Variants in PTPRM observed in about 807,000 individuals in gnomAD.
PTPRM encodes the protein protein tyrosine phosphatase receptor type M.
In PTPRM, 47 loss-of-function variants were observed where a neutral mutation model predicts 186.7. The observed-to-expected ratio is 0.25, with a 90% CI of 0.20 to 0.32. PTPRM has a LOEUF of 0.32. Among genes scored for constraint, PTPRM ranks in the 10% least tolerant of loss-of-function variants. The pLI is 1.00. For synonymous variants in PTPRM, 668 were observed against 674.9 expected (o/e 0.99, Z 0.16); for missense variants, 1,494 against 1,865.0 (o/e 0.80, Z 3.66).
chr18:8,371,465 G>C (rs8090925), intron 24 of PTPRM, among the ~76,000 whole-genome samples: 3,743 of 152,204 alleles, frequency 0.025, 63 homozygotes, highest in African/African-American at 0.049. Context: ...TGTGGCTTTC[G>C]AAACCTCTGG....
rs79550090 is a variant in PTPRM, at chr18:7,929,204, A to G, written c.663+2521A>G. 4.7e-4 allele frequency among the ~76,000 whole-genome samples: 72 copies of G among 152,304 alleles called. 1 individual carries two copies. The East Asian group carries it at 7.5e-3, about 16-fold the overall frequency. ...AATACAACACACATTCTAAATCAGG[A>G]AAGAAAGAAGGCAGACATAACATAT... On this transcript the variant is annotated intron_variant, in intron 5 of 32. Coordinates refer to ENST00000580170, the MANE Select transcript of PTPRM (RefSeq NM_001105244.2).
intron 8 of PTPRM, among the ~76,000 whole-genome samples, chr18:8,073,696 G>C (rs503388): frequency 0.56 from 85,438 of 151,996 alleles, 24,424 homozygotes; most frequent in Non-Finnish European, 0.62. Flanking sequence ...CTTGAGCCCA[G>C]GAGATTGAGA....
At chr18:7,859,850 C>T (rs982547456) in intron 2 of PTPRM, among the ~76,000 whole-genome samples, 11 of 152,134 alleles carry the variant, frequency 7.2e-5, no homozygotes, top group Admixed American at 6.5e-4. Context: ...ACCAACCTGC[C>T]CCATATACCT....
intron 19 of PTPRM, among the ~76,000 whole-genome samples, chr18:8,265,825 C>A (rs1472746700): frequency 6.6e-6 from 1 of 152,166 alleles, no homozygotes; most frequent in Non-Finnish European, 1.5e-5. Context: ...GTGACAGCAA[C>A]TACTCACAAA....
chr18:8,047,417 A>G (rs1448786677), intron 7 of PTPRM, among the ~76,000 whole-genome samples: 1 of 152,212 alleles, frequency 6.6e-6, no homozygotes, highest in African/African-American at 2.4e-5. Flanking sequence ...ATTTTGTGAC[A>G]GTTACATTGT....
chr18:7,790,647 G>A (rs1014198446), intron 2 of PTPRM, among the ~76,000 whole-genome samples: 2 of 152,088 alleles, frequency 1.3e-5, no homozygotes, highest in East Asian at 3.9e-4. Flanking sequence ...ACTTATCTTT[G>A]ACAAATGCAA....
intron 7 of PTPRM, among the ~76,000 whole-genome samples, chr18:7,988,881 A>G (rs2083112454): frequency 6.6e-6 from 1 of 152,160 alleles, no homozygotes; most frequent in African/African-American, 2.4e-5. Context: ...ATTAATGTAC[A>G]ATATCTGTTT....
At chr18:7,813,332 T>C (rs145548968) in intron 2 of PTPRM, among the ~76,000 whole-genome samples, 43 of 152,302 alleles carry the variant, frequency 2.8e-4, no homozygotes, top group Non-Finnish European at 6.0e-4. Flanking sequence ...ATTGCTGAGA[T>C]TGACAAAGAT....
At chr18:8,182,887 G>A (rs957879037) in intron 14 of PTPRM, among the ~76,000 whole-genome samples, 2 of 152,192 alleles carry the variant, frequency 1.3e-5, no homozygotes, top group Non-Finnish European at 2.9e-5. Flanking sequence ...AGCACTGTGA[G>A]TGTGCACGGG....
At chr18:7,939,416 CT>C (rs1759944488) in intron 5 of PTPRM, among the ~76,000 whole-genome samples, 1 of 152,166 alleles carries the variant, frequency 6.6e-6, no homozygotes, top group African/African-American at 2.4e-5. Context: ...TTCTGAAAGA[CT>C]TAATATGTAT....
Position 8,373,505 on chromosome 18 carries a change from T to G in PTPRM, c.3171+2499T>G, listed in dbSNP as rs73939464. 5.0e-3 allele frequency among the ~76,000 whole-genome samples: 764 copies of G among 152,264 alleles called. 8 individuals carry two copies. Among genetic ancestry groups the G allele is most frequent in the African/African-American group, 0.017 (712 of 41,550 alleles). ...GTCTCCATGCATTTAGGCTGTCTGG[T>G]GAATCTATCCCTGACTATTCTGGGA... On this transcript the variant is annotated intron_variant, in intron 24 of 32. Transcript: ENST00000580170.
At chr18:7,879,472 C>T (rs903048992) in intron 2 of PTPRM, among the ~76,000 whole-genome samples, 1 of 152,070 alleles carries the variant, frequency 6.6e-6, no homozygotes, top group African/African-American at 2.4e-5. Context: ...AAGTTTGTCT[C>T]GTTTGTAGTT....
At chr18:8,203,150 G>T in intron 14 of PTPRM, among the ~76,000 whole-genome samples, 1 of 152,208 alleles carries the variant, frequency 6.6e-6, no homozygotes, top group East Asian at 1.9e-4. Flanking sequence ...TGCAAGGAGG[G>T]ACTCCCATCT....
chr18:8,266,913 CA>C (rs547249486), intron 19 of PTPRM, among the ~76,000 whole-genome samples: 5 of 145,944 alleles, frequency 3.4e-5, no homozygotes, highest in Admixed American at 6.8e-5. Context: ...GTCTCAAAAA[CA>C]AAAAAAAAAG....
intron 32 of PTPRM, among the ~76,000 whole-genome samples, chr18:8,400,190 C>T (rs1463413926): frequency 1.3e-5 from 2 of 152,180 alleles, no homozygotes; most frequent in Non-Finnish European, 2.9e-5. Flanking sequence ...AAGAGCATCT[C>T]CTCAGTGGTT....
chr18:7,791,925 T>G (rs1285949705), intron 2 of PTPRM, among the ~76,000 whole-genome samples: 1 of 152,204 alleles, frequency 6.6e-6, no homozygotes, highest in Admixed American at 6.5e-5. Flanking sequence ...TTTCCTAAGC[T>G]TTATATTATT....
At chr18:7,662,228 A>G (rs2038996938) in intron 1 of PTPRM, among the ~76,000 whole-genome samples, 1 of 152,194 alleles carries the variant, frequency 6.6e-6, no homozygotes, top group Non-Finnish European at 1.5e-5. Flanking sequence ...GAGCCACTAT[A>G]TCCAGACCAT....
chr18:7,716,130 C>T (rs1354927645), intron 1 of PTPRM, among the ~76,000 whole-genome samples: 2 of 152,094 alleles, frequency 1.3e-5, no homozygotes, highest in Non-Finnish European at 2.9e-5. Context: ...TCTACAGTAA[C>T]CAAAACAGCA....
rs2053299566 is a variant in PTPRM, at chr18:7,956,225, GGTGTTAGT to G, written c.1132+812_1132+819del. On this transcript the variant is annotated intron_variant, in intron 7 of 32. Transcript: ENST00000580170. ...ATGAGGAGATTCCATAAATTGTTAT[GGTGTTAGT>G]TAATTATTCAGATAGCATTAGATAA... Among the ~76,000 whole-genome samples, 2 of 152,048 alleles carry G rather than the reference GGTGTTAGT, an allele frequency of 1.3e-5. 1 individual carries two copies. The highest frequency in any genetic ancestry group is 4.1e-4 in the South Asian group (2 of 4,820).
Sources: allele counts gnomAD v4.1 joint callset (sites outside exome capture counted in the v4.1 genomes callset), GRCh38; gene constraint gnomAD v4.1.1; transcripts MANE v1.5; gene names NCBI Gene and HGNC (gene_info 2026-07-23, HGNC 2026-07-21).